The following KCNT2 variants were observed in gnomAD, a reference collection of about 807,000 sequenced individuals.
The protein encoded by KCNT2 is potassium sodium-activated channel subfamily T member 2.
A neutral mutation model predicts 153.8 loss-of-function variants in KCNT2; 67 were observed. That is an observed-to-expected ratio of 0.44 (90% CI 0.36 to 0.53). The LOEUF (loss-of-function observed/expected upper bound fraction) is 0.53, where lower values mean the gene tolerates loss of function less well. Among genes scored for constraint, KCNT2 ranks in the 20% least tolerant of loss-of-function variants. The pLI is 0.00. For synonymous variants in KCNT2, 500 were observed against 458.8 expected (o/e 1.09, Z -1.15); for missense variants, 975 against 1,354.8 (o/e 0.72, Z 4.40).
chr1:196,503,422 C>T (rs531544972), intron 1 of KCNT2, among the ~76,000 whole-genome samples: 1 of 152,244 alleles, frequency 6.6e-6, no homozygotes, highest in East Asian at 1.9e-4. Context: ...CACCATAAAC[C>T]TAATAGCTTG....
At chr1:196,497,685 T>C (rs558836336) in intron 1 of KCNT2, among the ~76,000 whole-genome samples, 1 of 152,292 alleles carries the variant, frequency 6.6e-6, no homozygotes, top group East Asian at 1.9e-4. Flanking sequence ...GGATGGGTAT[T>C]GATTGTTATT....
rs1164920417 is a variant in KCNT2 at position 196,258,388 on chromosome 1, T to C, written c.3017A>G (p.Asp1006Gly). The change falls in exon 26 of 28, where the codon GAC becomes GGC. Residue 1006 changes from aspartate to glycine, a missense_variant. Asp to Gly is a moderately conservative substitution (Grantham distance 94). Transcript: ENST00000294725. ...GCTTTTTCTCCGCAGCAAGGGATGG[T>C]CCGACTGATCACTGGATGTTGAGTT... ...HRNSTSSDQS[D>G]HPLLRRKSMQ... is the part of the protein sequence containing the mutation. 1 of 1,613,918 alleles carries C rather than the reference T, an allele frequency of 6.2e-7. No homozygotes were observed. The highest frequency in any genetic ancestry group is 8.5e-7 in the Non-Finnish European group (1 of 1,180,010).
chr1:196,237,917 G>A (rs1252665485), intron 26 of KCNT2, among the ~76,000 whole-genome samples: 2 of 151,876 alleles, frequency 1.3e-5, no homozygotes, highest in East Asian at 3.9e-4. Flanking sequence ...CATAAGAAAA[G>A]AAATTTTGAT....
intron 8 of KCNT2, among the ~76,000 whole-genome samples, chr1:196,463,582 G>C (rs889809135): frequency 6.6e-6 from 1 of 151,282 alleles, no homozygotes; most frequent in South Asian, 2.1e-4. Context: ...CCACTACTCG[G>C]TTATTTAAAA....
At chr1:196,592,948 G>A (rs1663561290) in intron 1 of KCNT2, among the ~76,000 whole-genome samples, 1 of 149,586 alleles carries the variant, frequency 6.7e-6, no homozygotes. Context: ...TCCATAAAAT[G>A]TGGGGGGAAC....
intron 8 of KCNT2, among the ~76,000 whole-genome samples, chr1:196,448,427 C>A (rs1050969220): frequency 8.6e-5 from 13 of 151,526 alleles, no homozygotes; most frequent in Middle Eastern, 6.8e-3. Flanking sequence ...CTGACTTCTG[C>A]AAGAGGGAAA....
intron 18 of KCNT2, 119 bp downstream of exon 18, chr1:196,331,037 T>C (rs1664407530): frequency 6.2e-6 from 4 of 640,634 alleles, no homozygotes; most frequent in Admixed American, 2.5e-5. Flanking sequence ...TTGGAAAAGA[T>C]AATACCAATA....
intron 4 of KCNT2, 112 bp downstream of exon 4, chr1:196,482,219 A>T: frequency 1.5e-6 from 1 of 678,918 alleles, no homozygotes; most frequent in Non-Finnish European, 2.6e-6. Flanking sequence ...CATGAAGATT[A>T]ATCAGGCAGA....
intron 8 of KCNT2, among the ~76,000 whole-genome samples, chr1:196,461,879 A>T (rs2148652679): frequency 6.6e-6 from 1 of 151,810 alleles, no homozygotes; most frequent in South Asian, 2.1e-4. Flanking sequence ...ATGCATATTG[A>T]TAGTTCTTTG....
Position 196,447,916 on chromosome 1 carries a change from TTCTC to T in KCNT2, c.638+17373_638+17376del, listed in dbSNP as rs545724813. 3.3e-5 allele frequency among the ~76,000 whole-genome samples: 5 copies of T among 151,032 alleles called. No individual in the cohort carries two copies. The South Asian group carries it at 1.0e-3, about 31-fold the overall frequency. ...GAGAGCAGGAAGAGCCTTGAAAACT[TTCTC>T]TCTAACTCTTACCAAAGGTCTGGAA... On this transcript the variant is annotated intron_variant, in intron 8 of 27. Transcript: ENST00000294725.
rs1309731221 is a variant in KCNT2, at chr1:196,236,081, A to AGAAAACTACT, written c.3212-12_3212-11insAGTAGTTTTC. 6.9e-7 allele frequency: 1 copy of AGAAAACTACT among 1,445,328 alleles called. No homozygotes were observed. The highest frequency in any genetic ancestry group is 1.7e-5 in the Admixed American group (1 of 59,434). The allele number at this position is 1,445,328 out of a possible 1,614,324, so 89.5% of individuals were successfully genotyped here. ...GATCATTCATTTCATCTAGAAGATA[A>AGAAAACTACT]ATAAATGCCAAGTTTGTTATACTGC... On this transcript the variant is annotated splice_polypyrimidine_tract_variant and intron_variant, in intron 26 of 27. Transcript: ENST00000294725.
rs762721178 is a variant in KCNT2 at position 196,489,641 on chromosome 1, CA to C, written c.275+196del. Among the ~76,000 whole-genome samples the C allele has an allele frequency of 4.6e-5, 7 of 151,924 alleles. No individual in the cohort carries two copies. In the South Asian group the frequency reaches 1.2e-3, roughly 27 times the overall value. On this transcript the variant is annotated intron_variant, in intron 3 of 27. Transcript: ENST00000294725. ...CAGTCCAATATTAGCATCAGACAAA[CA>C]GAAAAATAATAAAAGATACTTACAA...
intron 1 of KCNT2, among the ~76,000 whole-genome samples, chr1:196,524,801 T>C (rs1653958138): frequency 6.6e-6 from 1 of 152,210 alleles, no homozygotes; most frequent in Admixed American, 6.6e-5. Flanking sequence ...ATTTTACTTC[T>C]ATTTCTAGCA....
chr1:196,475,715 T>C (rs1343993985), intron 5 of KCNT2, among the ~76,000 whole-genome samples: 2 of 152,078 alleles, frequency 1.3e-5, no homozygotes, highest in South Asian at 2.1e-4. Flanking sequence ...ATTTACCCAT[T>C]CTAAAAAAAT....
intron 1 of KCNT2, among the ~76,000 whole-genome samples, chr1:196,575,515 C>T (rs926205679): frequency 2.6e-5 from 4 of 151,808 alleles, no homozygotes; most frequent in Non-Finnish European, 5.9e-5. Flanking sequence ...GTCAGTTCAG[C>T]TGACTTTTGT....
At chr1:196,395,836 G>C (rs373475322) in intron 13 of KCNT2, among the ~76,000 whole-genome samples, 165 of 151,700 alleles carry the variant, frequency 1.1e-3, no homozygotes, top group African/African-American at 3.7e-3. Flanking sequence ...AACCGAAGGA[G>C]CTATTTAAAT....
intron 1 of KCNT2, among the ~76,000 whole-genome samples, chr1:196,588,155 T>G (rs1317982997): frequency 6.6e-6 from 1 of 152,014 alleles, no homozygotes; most frequent in Non-Finnish European, 1.5e-5. Flanking sequence ...GCAGTTCAAC[T>G]TCTGCAGGTT....
Position 196,410,408 on chromosome 1 carries a change from G to A in KCNT2, c.1186-11737C>T, listed in dbSNP as rs1672193846. 4.0e-5 allele frequency among the ~76,000 whole-genome samples: 6 copies of A among 151,176 alleles called. 1 individual carries two copies. In the South Asian group the frequency reaches 1.3e-3, roughly 32 times the overall value. On this transcript the variant is annotated intron_variant, in intron 12 of 27. Coordinates refer to ENST00000294725, the MANE Select transcript of KCNT2 (RefSeq NM_198503.5). ...CAGGAAGGGGAACATCACACACTGGGGCCTGTTGTGGGGTGAGGGCAGGTG... is the reference window on the plus strand; with the variant it reads ...CAGGAAGGGGAACATCACACACTGGAGCCTGTTGTGGGGTGAGGGCAGGTG...
chr1:196,426,869 C>T (rs1005119322), intron 10 of KCNT2, among the ~76,000 whole-genome samples: 3 of 151,934 alleles, frequency 2.0e-5, no homozygotes, highest in Admixed American at 6.6e-5. Context: ...GTATCACCAC[C>T]CTCTTCCTCC....
Sources: allele counts gnomAD v4.1 joint callset (sites outside exome capture counted in the v4.1 genomes callset), GRCh38; gene constraint gnomAD v4.1.1; transcripts MANE v1.5; gene names NCBI Gene and HGNC (gene_info 2026-07-23, HGNC 2026-07-21).